ZDHHC1: variants seen among roughly 807,000 people sequenced by gnomAD.
ZDHHC1 encodes palmitoyltransferase ZDHHC1.
In ZDHHC1, 45 loss-of-function variants were observed where a neutral mutation model predicts 46.9. The observed-to-expected ratio is 0.96, with a 90% confidence interval of 0.76 to 1.23. The LOEUF (loss-of-function observed/expected upper bound fraction) is 1.23. Ranked by LOEUF, ZDHHC1 falls within the 50% of genes most tolerant of loss-of-function variation. The pLI is 0.00. For missense variants in ZDHHC1, 649 were observed against 670.8 expected (o/e 0.97, Z 0.36); for synonymous variants, 291 against 286.0 (o/e 1.02, Z -0.18).
intron 1 of ZDHHC1, among the ~76,000 whole-genome samples, chr16:67,415,765 A>T (rs547158438): frequency 6.6e-6 from 1 of 152,190 alleles, no homozygotes; most frequent in South Asian, 2.1e-4. Flanking sequence ...CGTCTCAAAG[A>T]AAAAACTAAA....
At chr16:67,394,930 G>T in intron 11 of ZDHHC1, 37 bp from the exon 12 acceptor site, 6 of 1,556,878 alleles carry the variant, frequency 3.9e-6, no homozygotes, top group Non-Finnish European at 5.2e-6. Context: ...CAGTGGCTGC[G>T]GCTCGCTTGT....
In ZDHHC1 at chr16:67,406,462, A is replaced by G. The variant is rs2040661645; in HGVS notation, c.10-20T>C. Reference sequence around the variant, plus strand: ...GTTCATCTCCAGAGGGAGAAACAGTAGAGAGAGCATTAGCCCAAGAAGCTG... The same window carrying G: ...GTTCATCTCCAGAGGGAGAAACAGTGGAGAGAGCATTAGCCCAAGAAGCTG... On this transcript the variant is annotated intron_variant, in intron 2 of 11. Coordinates refer to ENST00000565726, the MANE Select transcript of ZDHHC1 (RefSeq NM_001323627.2). This position sits in a 1 kb window ranked among gnomAD's most constrained non-coding sequence, Gnocchi z 4.1. 1 of 1,492,248 alleles carries G rather than the reference A, an allele frequency of 6.7e-7. No homozygotes were observed. The highest frequency in any genetic ancestry group is 8.9e-7 in the Non-Finnish European group (1 of 1,118,630). 92.4% of individuals were successfully genotyped at this position (1,492,248 alleles called of 1,614,324 possible).
chr16:67,415,374 G>C lies in ZDHHC1; in HGVS notation c.-39+797C>G, dbSNP rs541241176. Reference sequence around the variant, plus strand: ...CTTGGGAGGCTGAGGCGGGAGGATCGCTTGAGCCCGGGAGCCGGAGCCTGC... The same window carrying C: ...CTTGGGAGGCTGAGGCGGGAGGATCCCTTGAGCCCGGGAGCCGGAGCCTGC... On this transcript the variant is annotated intron_variant, in intron 1 of 11. Coordinates refer to ENST00000565726, the MANE Select transcript of ZDHHC1 (RefSeq NM_001323627.2). Among the ~76,000 whole-genome samples, 14 of 152,026 alleles carry C rather than the reference G, an allele frequency of 9.2e-5. No homozygotes were observed. The South Asian group carries it at 2.1e-3, about 23-fold the overall frequency.
chr16:67,410,644 A>AATTATTATT (rs58905759), intron 1 of ZDHHC1, among the ~76,000 whole-genome samples: 117 of 147,678 alleles, frequency 7.9e-4, no homozygotes, highest in South Asian at 2.4e-3. Context: ...TACCTTAATT[A>AATTATTATT]ATTATTATTA....
At position 67,401,547 on chromosome 16, in the gene ZDHHC1, C is replaced by A. The variant is rs2040553820; in HGVS notation, c.253-415G>T. On this transcript the variant is annotated intron_variant, in intron 3 of 11. Transcript: ENST00000565726. This position sits in a 1 kb window ranked among gnomAD's most constrained non-coding sequence, Gnocchi z 4.6. Reference sequence around the variant, plus strand: ...AGGTCCAAGAACCTGAAGTTTAAGTCCCAGCTTCCTTATCTTGCTTTCATA... The same window carrying A: ...AGGTCCAAGAACCTGAAGTTTAAGTACCAGCTTCCTTATCTTGCTTTCATA... Among the ~76,000 whole-genome samples, 2 of 152,318 alleles carry A rather than the reference C, an allele frequency of 1.3e-5. No homozygotes were observed. The highest frequency in any genetic ancestry group is 1.3e-4 in the Admixed American group (2 of 15,304).
Position 67,395,503 on chromosome 16 carries a change from G to A in ZDHHC1, c.991C>T (p.Pro331Ser), listed in dbSNP as rs1336844082. The A allele has an allele frequency of 2.6e-6, 4 of 1,554,362 alleles. No homozygotes were observed. The highest frequency in any genetic ancestry group is 3.5e-6 in the Non-Finnish European group (4 of 1,148,364). The change falls in exon 9 of 12, where the codon CCA becomes TCA. Residue 331 changes from proline (P) to serine (S), a missense_variant. Physicochemically the swap from Pro to Ser is moderately conservative, Grantham distance 74. Transcript: ENST00000565726. ...MRPEPPGQAG[P>S]AAVNANPSQF... is the part of the protein sequence containing the mutation. ...ACTCACTTGGCATTCACTGCTGCTG[G>A]CCCGGCCTGGCCAGGGGGCTCTGGG...
Position 67,406,385 on chromosome 16 carries a change from C to T in ZDHHC1, c.67G>A (p.Ala23Thr). 6.3e-7 allele frequency: 1 copy of T among 1,578,984 alleles called. No homozygotes were observed. The highest frequency in any genetic ancestry group is 2.3e-5 in the East Asian group (1 of 43,622). Residue 23 changes from alanine (A) to threonine (T), a missense_variant, in exon 3 of 12, where the codon GCA becomes ACA. Physicochemically the swap from Ala to Thr is moderately conservative, Grantham distance 58 (BLOSUM62 0). Transcript: ENST00000565726. The surrounding 1 kb of genome is among the most constrained non-coding windows in gnomAD (Gnocchi z 4.1). ...GAGGGTCCGCTGGGCTGTGCCGGTG[C>T]CGTCCACACACTCTTCTCAGGGGCC... ...KTAPEKSVWTAPAQPSGPSPE... is the reference protein window; with the variant it reads ...KTAPEKSVWTTPAQPSGPSPE...
chr16:67,400,718 G>A (rs1212144847), intron 4 of ZDHHC1, among the ~76,000 whole-genome samples: 3 of 152,222 alleles, frequency 2.0e-5, no homozygotes, highest in Non-Finnish European at 4.4e-5. Flanking sequence ...CATTAGAAAT[G>A]TTTGGGCAGG....
At chr16:67,399,722 C>G (rs2040511829) in intron 4 of ZDHHC1, among the ~76,000 whole-genome samples, 1 of 152,120 alleles carries the variant, frequency 6.6e-6, no homozygotes, top group South Asian at 2.1e-4. Flanking sequence ...GGATTGTGCG[C>G]CTAGCTGATG....
intron 8 of ZDHHC1, 43 bp downstream of exon 8, chr16:67,398,169 A>AC (rs1171923842): frequency 4.4e-6 from 7 of 1,578,424 alleles, no homozygotes; most frequent in Non-Finnish European, 8.7e-7. Flanking sequence ...ACAGCCCAAC[A>AC]CCCCCCACAC....
At chr16:67,405,563 G>A (rs1289868470) in intron 3 of ZDHHC1, among the ~76,000 whole-genome samples, 1 of 152,210 alleles carries the variant, frequency 6.6e-6, no homozygotes, top group Non-Finnish European at 1.5e-5. Context: ...CTCTGCTCCT[G>A]GGGGCTGTGG....
chr16:67,408,696 G>A (rs1165946661), intron 1 of ZDHHC1, among the ~76,000 whole-genome samples: 6 of 151,956 alleles, frequency 3.9e-5, no homozygotes, highest in Non-Finnish European at 7.4e-5. Flanking sequence ...ATGTTGCCCA[G>A]GCTGGTCTCC....
chr16:67,409,555 T>G (rs1050037299), intron 1 of ZDHHC1, among the ~76,000 whole-genome samples: 2 of 152,246 alleles, frequency 1.3e-5, no homozygotes, highest in East Asian at 1.9e-4. Context: ...TCCTGCAGAG[T>G]TGGTGGCTAC....
At position 67,406,591 on chromosome 16, in the gene ZDHHC1, T is replaced by G; in HGVS notation, c.10-149A>C. The G allele has an allele frequency of 9.6e-7, 1 of 1,043,962 alleles. No individual in the cohort carries two copies. The highest frequency in any genetic ancestry group is 1.3e-6 in the Non-Finnish European group (1 of 754,204). 64.7% of individuals were successfully genotyped at this position (1,043,962 alleles called of 1,614,324 possible). A position where few individuals can be genotyped will look rare whatever the true frequency, so the allele number is the denominator to read the frequency against. On this transcript the variant is annotated intron_variant, in intron 2 of 11. Transcript: ENST00000565726. This position sits in a 1 kb window ranked among gnomAD's most constrained non-coding sequence, Gnocchi z 4.1. ...AACTGGGGTCCTAGCACAATAGAGA[T>G]GGGCAGTGGGGAGAGGGTGGGAGTG... is the stretch of plus-strand genomic sequence containing the variant.
At chr16:67,411,973 C>T (rs1196834384) in intron 1 of ZDHHC1, among the ~76,000 whole-genome samples, 1 of 151,874 alleles carries the variant, frequency 6.6e-6, no homozygotes, top group East Asian at 1.9e-4. Flanking sequence ...ATTAGCTGGG[C>T]GTGGTGGTGC....
chr16:67,398,597 G>T lies in ZDHHC1; in HGVS notation c.790C>A (p.Leu264Met). The change falls in exon 7 of 12, where the codon CTG becomes ATG. Residue 264 changes from leucine (L) to methionine (M), a missense_variant. Leu to Met is a conservative substitution (Grantham distance 15). Transcript: ENST00000565726. The part of the protein sequence containing the change: ...GLLSTALLGH[L>M]LCFHIYLMWH... ...CTGAGATAAATGTGGAAGCAGAGCA[G>T]GTGCCCCAGGAGGGCTGTGGACAGG... 1 of 1,604,516 alleles carries T rather than the reference G, an allele frequency of 6.2e-7. No homozygotes were observed. The highest frequency in any genetic ancestry group is 8.5e-7 in the Non-Finnish European group (1 of 1,176,870).
intron 2 of ZDHHC1, 55 bp downstream of exon 2, chr16:67,407,712 G>A (rs973878567): frequency 5.1e-6 from 4 of 780,206 alleles, no homozygotes; most frequent in African/African-American, 3.4e-5. Context: ...GTGCTGGGTG[G>A]GGTTTATTCA....
chr16:67,394,778 G>C lies in ZDHHC1; in HGVS notation c.1281C>G (p.Asp427Glu), dbSNP rs1291897196. The C allele has an allele frequency of 5.2e-6, 8 of 1,532,246 alleles. No homozygotes were observed. The South Asian group carries it at 9.6e-5, about 18-fold the overall frequency. 94.9% of individuals were successfully genotyped at this position (1,532,246 alleles called of 1,614,324 possible). The part of the protein sequence containing the change: ...AYHSASAESV[D>E]EIPVAQTRLG... ...GGCGCGTCTGCGCCACTGGAATCTC[G>C]TCCACGGACTCTGCCGACGCCGAGT... The change falls in exon 12 of 12, where the codon GAC becomes GAG. Residue 427 changes from aspartate (D) to glutamate (E), a missense_variant. Transcript: ENST00000565726.
rs2040661729 is a variant in ZDHHC1, at chr16:67,406,461, TAG to T, written c.10-21_10-20del. The T allele has an allele frequency of 6.7e-7, 1 of 1,492,144 alleles. No individual in the cohort carries two copies. The highest frequency in any genetic ancestry group is 8.9e-7 in the Non-Finnish European group (1 of 1,118,684). 92.4% of individuals were successfully genotyped at this position (1,492,144 alleles called of 1,614,324 possible). A position where few individuals can be genotyped will look rare whatever the true frequency, so the allele number is the denominator to read the frequency against. The stretch of plus-strand genomic sequence containing the variant: ...TGTTCATCTCCAGAGGGAGAAACAG[TAG>T]AGAGAGCATTAGCCCAAGAAGCTGG... On this transcript the variant is annotated intron_variant, in intron 2 of 11. Transcript: ENST00000565726. This position sits in a 1 kb window ranked among gnomAD's most constrained non-coding sequence, Gnocchi z 4.1.
Sources: gnomAD v4.1 joint callset for allele counts (sites outside exome capture counted in the v4.1 genomes callset) on GRCh38, gnomAD v4.1.1 for gene constraint, Gnocchi (gnomAD v3.1) non-coding constraint, MANE v1.5 for transcripts, NCBI Gene and HGNC (gene_info 2026-07-23, HGNC 2026-07-21) for gene names.